KLF9: variants seen among roughly 807,000 people sequenced by gnomAD.
The protein encoded by KLF9 is Krueppel-like factor 9.
A neutral mutation model predicts 17.3 loss-of-function variants in KLF9; 2 were observed. The observed-to-expected ratio is 0.12, with a 90% CI of 0.05 to 0.36. The LOEUF is 0.36. KLF9 is among the 10% of genes least tolerant of loss of function. The pLI, the probability that KLF9 is intolerant of heterozygous loss-of-function variation, is 1.00. For missense variants in KLF9, 226 were observed against 333.2 expected, an observed-to-expected ratio of 0.68 and a Z score of 2.51; for synonymous variants, 138 against 139.2, an observed-to-expected ratio of 0.99 and a Z score of 0.06.
intron 1 of KLF9, among the ~76,000 whole-genome samples, chr9:70,389,233 C>T (rs1217150548): frequency 4.6e-5 from 7 of 152,090 alleles, no homozygotes. Context: ...TTAATCTCTT[C>T]TCCCATTTCC....
intron 1 of KLF9, among the ~76,000 whole-genome samples, chr9:70,390,763 G>A (rs939129946): frequency 1.3e-5 from 2 of 152,194 alleles, no homozygotes; most frequent in Admixed American, 1.3e-4. Context: ...TTAGACTGCA[G>A]TGAAGTCCTC....
intron 1 of KLF9, among the ~76,000 whole-genome samples, chr9:70,401,189 A>T (rs10780929): frequency 0.3 from 39,728 of 134,470 alleles, 6,316 homozygotes; most frequent in Non-Finnish European, 0.37. Flanking sequence ...AAAAAAAAAA[A>T]TTTTTTAAAT....
intron 1 of KLF9, among the ~76,000 whole-genome samples, chr9:70,407,769 G>A (rs1032051422): frequency 5.9e-5 from 9 of 152,202 alleles, no homozygotes; most frequent in Admixed American, 5.9e-4. Flanking sequence ...TCTTTCACTT[G>A]ATTCAAGGGA....
chr9:70,390,130 C>T (rs2037143212), intron 1 of KLF9, among the ~76,000 whole-genome samples: 1 of 152,218 alleles, frequency 6.6e-6, no homozygotes, highest in Non-Finnish European at 1.5e-5. Context: ...ATGATGAAGG[C>T]TCTCTGCTGT....
chr9:70,386,254 CT>C lies in KLF9; in HGVS notation c.*1521del. 1 of 152,808 alleles carries C rather than the reference CT, an allele frequency of 6.5e-6. No individual in the cohort carries two copies. The highest frequency in any genetic ancestry group is 1.9e-4 in the East Asian group (1 of 5,188). The allele number at this position is 152,808 out of a possible 1,614,324, so 9.5% of individuals were successfully genotyped here. A position where few individuals can be genotyped will look rare whatever the true frequency, so the allele number is the denominator to read the frequency against. On this transcript the variant is annotated 3_prime_UTR_variant, in exon 2 of 2. Coordinates refer to ENST00000377126, the MANE Select transcript of KLF9 (RefSeq NM_001206.4). ...GTCTTAACTACGAAAACTCAGTTCACTTTTCTGGCCTCATAAAGGCCACAGT... is the reference window on the plus strand; with the variant it reads ...GTCTTAACTACGAAAACTCAGTTCACTTTCTGGCCTCATAAAGGCCACAGT...
At position 70,394,260 on chromosome 9, in the gene KLF9, T is replaced by G. The variant is rs147749263; in HGVS notation, c.506-6255A>C. Among the ~76,000 whole-genome samples the G allele has an allele frequency of 1.5e-3, 225 of 149,740 alleles. 1 individual carries two copies. Among genetic ancestry groups the G allele is most frequent in the African/African-American group, 5.3e-3 (216 of 40,500 alleles). On this transcript the variant is annotated intron_variant, in intron 1 of 1. Transcript: ENST00000377126. ...TTTAAAAAGGACAATTTGATATTAT[T>G]AAATCATACTGATATTATTCCCCCA...
At chr9:70,405,510 C>A (rs1474015824) in intron 1 of KLF9, among the ~76,000 whole-genome samples, 1 of 152,194 alleles carries the variant, frequency 6.6e-6, no homozygotes, top group Non-Finnish European at 1.5e-5. Context: ...TTCTCAGTTT[C>A]ATTAAAAAAT....
chr9:70,402,607 C>T, intron 1 of KLF9, among the ~76,000 whole-genome samples: 1 of 152,130 alleles, frequency 6.6e-6, no homozygotes, highest in Non-Finnish European at 1.5e-5. Flanking sequence ...TTATTGGCTT[C>T]TAGAACATCC....
At chr9:70,404,165 G>A (rs1794281047) in intron 1 of KLF9, among the ~76,000 whole-genome samples, 1 of 152,194 alleles carries the variant, frequency 6.6e-6, no homozygotes. Context: ...GACAATGCAT[G>A]TAAACCATTT....
At position 70,387,612 on chromosome 9, in the gene KLF9, A is replaced by T. The variant is rs948249758; in HGVS notation, c.*164T>A. 10 of 629,316 alleles carry T rather than the reference A, an allele frequency of 1.6e-5. No individual in the cohort carries two copies. In the African/African-American group the frequency reaches 1.7e-4, roughly 10 times the overall value. The allele number at this position is 629,316 out of a possible 1,614,324, so 39.0% of individuals were successfully genotyped here. A position where few individuals can be genotyped will look rare whatever the true frequency, so the allele number is the denominator to read the frequency against. The stretch of plus-strand genomic sequence containing the variant: ...GATCTTAGGCTACAATGTGCTTTTT[A>T]AAAACAATGCAGGGAGAGGAAAATC... On this transcript the variant is annotated 3_prime_UTR_variant, in exon 2 of 2. Transcript: ENST00000377126.
intron 1 of KLF9, among the ~76,000 whole-genome samples, chr9:70,401,082 C>G (rs561042870): frequency 6.6e-6 from 1 of 151,428 alleles, no homozygotes; most frequent in Non-Finnish European, 1.5e-5. Flanking sequence ...TCCTGTAATC[C>G]CAACAGTTTG....
At position 70,386,945 on chromosome 9, in the gene KLF9, G is replaced by A. The variant is rs1225177802; in HGVS notation, c.*831C>T. The A allele has an allele frequency of 6.6e-6, 1 of 152,592 alleles. No homozygotes were observed. 9.5% of individuals were successfully genotyped at this position (152,592 alleles called of 1,614,324 possible). A position where few individuals can be genotyped will look rare whatever the true frequency, so the allele number is the denominator to read the frequency against. On this transcript the variant is annotated 3_prime_UTR_variant, in exon 2 of 2. Coordinates refer to ENST00000377126, the MANE Select transcript of KLF9 (RefSeq NM_001206.4). The stretch of plus-strand genomic sequence containing the variant: ...ACATCTGCTTCTATCCTCAAAGCAT[G>A]TATTTAACTTATTCATCCTCTGCAT...
intron 1 of KLF9, among the ~76,000 whole-genome samples, chr9:70,390,291 C>T (rs1240163711): frequency 6.6e-6 from 1 of 151,992 alleles, no homozygotes; most frequent in Admixed American, 6.6e-5. Context: ...AAAGCTACGG[C>T]AGCAAAAGGC....
chr9:70,391,516 C>T (rs2037153201), intron 1 of KLF9, among the ~76,000 whole-genome samples: 2 of 152,116 alleles, frequency 1.3e-5, no homozygotes, highest in South Asian at 4.2e-4. Flanking sequence ...CCGAGAAAAT[C>T]AAGAGCAAAT....
At position 70,409,144 on chromosome 9, in the gene KLF9, GTATA is replaced by G. The variant is rs1176288303; in HGVS notation, c.505+3711_505+3714del. Among the ~76,000 whole-genome samples, 498 of 55,432 alleles carry G rather than the reference GTATA, an allele frequency of 9.0e-3. 31 individuals are homozygous for G. In the East Asian group the frequency reaches 0.12, roughly 14 times the overall value. 36.4% of individuals were successfully genotyped at this position (55,432 alleles called of 152,430 possible). A position where few individuals can be genotyped will look rare whatever the true frequency, so the allele number is the denominator to read the frequency against. On this transcript the variant is annotated intron_variant, in intron 1 of 1. Transcript: ENST00000377126. ...TATGTATATATGTATACATATATAT[GTATA>G]TGTATATATATACACATATATGTAT...
At chr9:70,408,231 C>G (rs892081061) in intron 1 of KLF9, among the ~76,000 whole-genome samples, 10 of 152,048 alleles carry the variant, frequency 6.6e-5, no homozygotes, top group Non-Finnish European at 8.8e-5. Context: ...AAAAATTAGC[C>G]GAGTGTGGTG....
chr9:70,390,658 C>G (rs1415728585), intron 1 of KLF9, among the ~76,000 whole-genome samples: 1 of 141,712 alleles, frequency 7.1e-6, no homozygotes, highest in Non-Finnish European at 1.6e-5. Flanking sequence ...CATACACACA[C>G]TCTCTCTCTC....
intron 1 of KLF9, among the ~76,000 whole-genome samples, chr9:70,398,380 T>G (rs920014193): frequency 2.6e-5 from 4 of 152,206 alleles, no homozygotes; most frequent in African/African-American, 7.2e-5. Context: ...TGTCAGAGTC[T>G]AAGAAGCAAG....
intron 1 of KLF9, among the ~76,000 whole-genome samples, chr9:70,403,097 CCGAGATTGTGCTGCTGCACTCCA>C (rs2037234798): frequency 6.6e-6 from 1 of 152,070 alleles, no homozygotes; most frequent in Non-Finnish European, 1.5e-5. Context: ...TTGCAGTGAG[CCGAGATTGTGCTGCTGCACTCCA>C]GCCTGGGCAG....
Sources: gnomAD v4.1 joint callset for allele counts (sites outside exome capture counted in the v4.1 genomes callset) on GRCh38, gnomAD v4.1.1 for gene constraint, MANE v1.5 for transcripts, NCBI Gene and HGNC (gene_info 2026-07-23, HGNC 2026-07-21) for gene names.